Variants in DGKB observed in about 807,000 individuals in gnomAD.
DGKB encodes diacylglycerol kinase beta.
Under a neutral mutation model 114.3 loss-of-function variants are expected in DGKB, and 67 were observed. The observed-to-expected ratio is 0.59, with a 90% CI of 0.48 to 0.72. The LOEUF (loss-of-function observed/expected upper bound fraction) is 0.72. Among genes scored for constraint, DGKB ranks in the 30% least tolerant of loss-of-function variants. The probability of loss-of-function intolerance (pLI) is 0.00; values close to 1 mark genes in which losing one functional copy is unlikely to be tolerated. For synonymous variants in DGKB, 398 were observed against 323.1 expected, an observed-to-expected ratio of 1.23 and a Z score of -2.49; for missense variants, 907 against 975.2, an observed-to-expected ratio of 0.93 and a Z score of 0.93.
chr7:14,715,196 T>G (rs116253801), intron 6 of DGKB, among the ~76,000 whole-genome samples: 2,105 of 152,222 alleles, frequency 0.014, 47 homozygotes, highest in African/African-American at 0.048. Context: ...ATGCAATAAT[T>G]AAATTAAAAG....
intron 24 of DGKB, 113 bp downstream of exon 24, chr7:14,177,917 CT>C: frequency 9.0e-7 from 1 of 1,108,764 alleles, no homozygotes. Context: ...GTATTAATAA[CT>C]GATTATTTGG....
chr7:14,818,370 C>G (rs1844454874), intron 2 of DGKB, among the ~76,000 whole-genome samples: 1 of 152,120 alleles, frequency 6.6e-6, no homozygotes, highest in Admixed American at 6.6e-5. Context: ...GTTCTAGAAT[C>G]TTGAACCAGC....
At position 14,231,091 on chromosome 7, in the gene DGKB, C is replaced by A. The variant is rs567620121; in HGVS notation, c.2123-52940G>T. ...AATTCTTTCTTCTTTCCCTTTCTTT[C>A]TTTCTTTCTTTCTTTCTTTCTTTCT... is the stretch of plus-strand genomic sequence containing the variant. On this transcript the variant is annotated intron_variant, in intron 23 of 25. Coordinates refer to ENST00000402815, the MANE Select transcript of DGKB (RefSeq NM_001350709.2). 6.6e-5 allele frequency among the ~76,000 whole-genome samples: 5 copies of A among 75,366 alleles called. No individual in the cohort carries two copies. In the East Asian group the frequency reaches 2.0e-3, roughly 31 times the overall value. The allele number at this position is 75,366 out of a possible 152,430, so 49.4% of individuals were successfully genotyped here.
chr7:14,571,434 T>C (rs1375635715), intron 20 of DGKB, among the ~76,000 whole-genome samples: 4 of 152,196 alleles, frequency 2.6e-5, no homozygotes, highest in African/African-American at 2.4e-5. Flanking sequence ...GCCAGTGTCA[T>C]AGCTAGCCTG....
chr7:14,884,197 A>G (rs918008931), intron 1 of DGKB, among the ~76,000 whole-genome samples: 4 of 152,000 alleles, frequency 2.6e-5, no homozygotes, highest in Non-Finnish European at 5.9e-5. Flanking sequence ...CCATGTTCCA[A>G]TAAAACTTTA....
chr7:14,214,706 G>C (rs901886894), intron 23 of DGKB, among the ~76,000 whole-genome samples: 1 of 151,980 alleles, frequency 6.6e-6, no homozygotes, highest in Non-Finnish European at 1.5e-5. Flanking sequence ...AGTTTCAAAA[G>C]GAAAAGTTTA....
At chr7:14,499,834 G>T (rs1286432221) in intron 20 of DGKB, among the ~76,000 whole-genome samples, 1 of 147,576 alleles carries the variant, frequency 6.8e-6, no homozygotes, top group Non-Finnish European at 1.5e-5. Flanking sequence ...ATAAAGGAAA[G>T]AATGATTAAA....
intron 1 of DGKB, among the ~76,000 whole-genome samples, chr7:14,873,689 T>G (rs1852822314): frequency 6.6e-6 from 1 of 151,986 alleles, no homozygotes; most frequent in Non-Finnish European, 1.5e-5. Context: ...TTTTCAATAA[T>G]ATGTACATAC....
At chr7:14,908,710 A>T (rs886486021) in intron 1 of DGKB, among the ~76,000 whole-genome samples, 7 of 152,176 alleles carry the variant, frequency 4.6e-5, no homozygotes, top group Admixed American at 2.6e-4. Flanking sequence ...ATGAAATCTT[A>T]CCTTTCTGTA....
chr7:14,467,966 G>A (rs1304457131), intron 21 of DGKB, among the ~76,000 whole-genome samples: 1 of 151,772 alleles, frequency 6.6e-6, no homozygotes, highest in South Asian at 2.1e-4. Context: ...TTACAACGAG[G>A]GTCCTCACAA....
intron 23 of DGKB, among the ~76,000 whole-genome samples, chr7:14,303,445 T>A (rs932718212): frequency 6.6e-6 from 1 of 152,120 alleles, no homozygotes; most frequent in Non-Finnish European, 1.5e-5. Flanking sequence ...TTTTTGTTAT[T>A]ATTGGTCCTT....
At chr7:14,661,044 A>G (rs1333755834) in intron 13 of DGKB, among the ~76,000 whole-genome samples, 1 of 150,868 alleles carries the variant, frequency 6.6e-6, no homozygotes, top group African/African-American at 2.4e-5. Flanking sequence ...ACCTTATACA[A>G]AAATCAATTC....
chr7:14,149,242 GAAA>G lies in DGKB; in HGVS notation c.2305-7_2305-5del. ...GGTTCTTGTGTGTAATTTTTATCTA[GAAA>G]AAAAGAGAGAGAGAGAGAGAGAAAG... On this transcript the variant is annotated splice_region_variant and splice_polypyrimidine_tract_variant and intron_variant, in intron 25 of 25. Transcript: ENST00000402815. The G allele has an allele frequency of 6.3e-7, 1 of 1,590,510 alleles. No homozygotes were observed. Among genetic ancestry groups the G allele is most frequent in the Non-Finnish European group, 8.6e-7 (1 of 1,165,886 alleles).
chr7:14,839,172 T>C (rs1032892560), intron 2 of DGKB, among the ~76,000 whole-genome samples: 5 of 152,082 alleles, frequency 3.3e-5, no homozygotes, highest in African/African-American at 1.2e-4. Context: ...AGGACACATA[T>C]CTCTTCATAT....
At chr7:14,312,822 A>G (rs528313549) in intron 23 of DGKB, among the ~76,000 whole-genome samples, 2 of 152,348 alleles carry the variant, frequency 1.3e-5, no homozygotes, top group South Asian at 4.1e-4. Flanking sequence ...CAATGATAAA[A>G]TTCAATGTTC....
chr7:14,959,200 C>A (rs36903), intron 1 of DGKB, among the ~76,000 whole-genome samples: 17,671 of 151,920 alleles, frequency 0.12, 1,364 homozygotes, highest in Non-Finnish European at 0.18. Context: ...AAATATTATA[C>A]ATTTCATCAT....
At chr7:14,792,887 T>C (rs1465675962) in intron 2 of DGKB, among the ~76,000 whole-genome samples, 1 of 152,158 alleles carries the variant, frequency 6.6e-6, no homozygotes, top group Non-Finnish European at 1.5e-5. Flanking sequence ...CTGCTACTTT[T>C]AATTCATTGA....
At chr7:14,420,399 G>A (rs2128762552) in intron 21 of DGKB, among the ~76,000 whole-genome samples, 1 of 152,022 alleles carries the variant, frequency 6.6e-6, no homozygotes, top group Admixed American at 6.6e-5. Flanking sequence ...TAATTCATTT[G>A]CCAATATAAC....
At chr7:14,353,165 A>G (rs1813796431) in intron 21 of DGKB, among the ~76,000 whole-genome samples, 1 of 152,150 alleles carries the variant, frequency 6.6e-6, no homozygotes, top group South Asian at 2.1e-4. Context: ...CATTATATAC[A>G]ATAATGAATG....
Sources: gnomAD v4.1 joint callset for allele counts (sites outside exome capture counted in the v4.1 genomes callset) on GRCh38, gnomAD v4.1.1 for gene constraint, MANE v1.5 for transcripts, NCBI Gene and HGNC (gene_info 2026-07-23, HGNC 2026-07-21) for gene names.